The following EDC4 variants were observed in gnomAD, a reference collection of about 807,000 sequenced individuals.
The protein encoded by EDC4 is enhancer of mRNA-decapping protein 4.
A neutral mutation model predicts 155.8 loss-of-function variants in EDC4; 64 were observed. The ratio of observed to expected loss-of-function variants is 0.41; its 90% CI spans 0.34 to 0.51. The LOEUF (loss-of-function observed/expected upper bound fraction) is 0.51. EDC4 is among the 20% of genes least tolerant of loss of function. EDC4 has a pLI of 0.19. For synonymous variants in EDC4, 684 were observed against 716.8 expected (o/e 0.95, Z 0.73); for missense variants, 1,303 against 1,812.5 (o/e 0.72, Z 5.10).
chr16:67,880,951 C>A lies in EDC4; in HGVS notation c.2492C>A (p.Pro831His). 1 of 1,613,996 alleles carries A rather than the reference C, an allele frequency of 6.2e-7. No homozygotes were observed. The highest frequency in any genetic ancestry group is 8.5e-7 in the Non-Finnish European group (1 of 1,179,984). The change falls in exon 18 of 29, where the codon CCT becomes CAT. Residue 831 changes from proline to histidine, a missense_variant. This residue lies in a region of EDC4 where 527 missense variants were observed against 757.0 expected (regional missense o/e 0.70). Transcript: ENST00000358933. The surrounding 1 kb of genome is among the most constrained non-coding windows in gnomAD (Gnocchi z 5.2). ...GACAGTCAGGTTTGGCCCACAGCACCTGACATTACTCGTGAGACCTGCAGC... is the reference window on the plus strand; with the variant it reads ...GACAGTCAGGTTTGGCCCACAGCACATGACATTACTCGTGAGACCTGCAGC... ...TPDSQVWPTA[P>H]DITRETCSTL...
At chr16:67,875,363 T>A (rs2058037142) in intron 1 of EDC4, among the ~76,000 whole-genome samples, 1 of 152,156 alleles carries the variant, frequency 6.6e-6, no homozygotes, top group African/African-American at 2.4e-5. Context: ...CCATCTTCTC[T>A]CCAAACTCTG....
chr16:67,873,478 G>C, intron 1 of EDC4, 135 bp downstream of exon 1: 1 of 679,150 alleles, frequency 1.5e-6, no homozygotes, highest in Non-Finnish European at 2.2e-6. Flanking sequence ...GACGGGGATT[G>C]ACTGTGCCCC....
In EDC4 at chr16:67,881,977, G is replaced by A; in HGVS notation, c.3028G>A (p.Ala1010Thr). The change falls in exon 23 of 29, where the codon GCT becomes ACT. Residue 1010 changes from alanine (A) to threonine (T), a missense_variant. Around this residue, in one of 5 missense-constraint regions of EDC4, gnomAD observed 527 missense variants for 757.0 expected, o/e 0.70. Coordinates refer to ENST00000358933, the MANE Select transcript of EDC4 (RefSeq NM_014329.5). This position sits in a 1 kb window ranked among gnomAD's most constrained non-coding sequence, Gnocchi z 5.4. ...QEQRRLERAL[A>T]EGQQRGGQLQ... ...AGAGCGGCGGCTGGAGCGAGCACTG[G>A]CTGAGGGGCAGCAGCGGGGAGGGCA... 6.2e-7 allele frequency: 1 copy of A among 1,609,946 alleles called. No individual in the cohort carries two copies. Among genetic ancestry groups the A allele is most frequent in the South Asian group, 1.1e-5 (1 of 90,874 alleles).
At position 67,880,789 on chromosome 16, in the gene EDC4, A is replaced by G. The variant is rs2058063937; in HGVS notation, c.2330A>G (p.His777Arg). ...DSMASAASALHLLSPRPRPGP... is the reference protein window; with the variant it reads ...DSMASAASALRLLSPRPRPGP... ...ATGGCTTCAGCCGCCTCGGCACTGC[A>G]CCTGCTGTCCCCACGGCCCCGGCCA... The change falls in exon 18 of 29, where the codon CAC becomes CGC. Residue 777 changes from histidine (H) to arginine (R), a missense_variant. His to Arg is a conservative substitution (Grantham distance 29). Transcript: ENST00000358933. The surrounding 1 kb of genome is among the most constrained non-coding windows in gnomAD (Gnocchi z 5.2). 5.6e-6 allele frequency: 9 copies of G among 1,613,882 alleles called. No homozygotes were observed. The highest frequency in any genetic ancestry group is 7.6e-6 in the Non-Finnish European group (9 of 1,179,990).
At position 67,879,541 on chromosome 16, in the gene EDC4, C is replaced by T; in HGVS notation, c.1633+38C>T. The T allele has an allele frequency of 6.2e-7, 1 of 1,614,016 alleles. No homozygotes were observed. ...TGAGAGGGAGGTAGGGTAAGTTGGA[C>T]TGACCAGGGTCTGAGATCTAACTCA... On this transcript the variant is annotated intron_variant, in intron 14 of 28. Transcript: ENST00000358933. This position sits in a 1 kb window ranked among gnomAD's most constrained non-coding sequence, Gnocchi z 6.0.
At chr16:67,873,473 G>T in intron 1 of EDC4, 130 bp downstream of exon 1, 1 of 716,516 alleles carries the variant, frequency 1.4e-6, no homozygotes, top group Non-Finnish European at 2.1e-6. Context: ...GGGTGGACGG[G>T]GATTGACTGT....
chr16:67,881,149 C>A lies in EDC4; in HGVS notation c.2605C>A (p.Arg869Ser), dbSNP rs371369902. Reference sequence around the variant, plus strand: ...ACCACCATATCACCTGCTGCAGCAACGTGACAGCCAGGATGCCAGTGCTGA... The same window carrying A: ...ACCACCATATCACCTGCTGCAGCAAAGTGACAGCCAGGATGCCAGTGCTGA... ...HRPPYHLLQQ[R>S]DSQDASAEQS... The change falls in exon 19 of 29, where the codon CGT becomes AGT. Residue 869 changes from arginine (R) to serine (S), a missense_variant. Coordinates refer to ENST00000358933, the MANE Select transcript of EDC4 (RefSeq NM_014329.5). The surrounding 1 kb of genome is among the most constrained non-coding windows in gnomAD (Gnocchi z 5.4). 6.2e-7 allele frequency: 1 copy of A among 1,614,112 alleles called. No individual in the cohort carries two copies.
At position 67,883,828 on chromosome 16, in the gene EDC4, T is replaced by G; in HGVS notation, c.4013+97T>G. Reference sequence around the variant, plus strand: ...GACGCCCACTTCTGCCTGAATCCTCTCCCTAATTTTCTCCACCAGTCCTTT... The same window carrying G: ...GACGCCCACTTCTGCCTGAATCCTCGCCCTAATTTTCTCCACCAGTCCTTT... On this transcript the variant is annotated intron_variant, in intron 28 of 28. Transcript: ENST00000358933. This position sits in a 1 kb window ranked among gnomAD's most constrained non-coding sequence, Gnocchi z 5.3. 6.5e-7 allele frequency: 1 copy of G among 1,543,816 alleles called. No homozygotes were observed. The highest frequency in any genetic ancestry group is 1.4e-5 in the African/African-American group (1 of 73,602).
At position 67,881,785 on chromosome 16, in the gene EDC4, C is replaced by G; in HGVS notation, c.2944C>G (p.Leu982Val). The G allele has an allele frequency of 5.0e-6, 8 of 1,614,144 alleles. No individual in the cohort carries two copies. The highest frequency in any genetic ancestry group is 6.8e-6 in the Non-Finnish European group (8 of 1,179,988). ...GCGTCTGTGTACCCAACTCGAAGGC[C>G]TGCAGAGCACAGTCACAGGCCACGT... ...LQRLCTQLEG[L>V]QSTVTGHVER... The change falls in exon 22 of 29, where the codon CTG becomes GTG. Residue 982 changes from leucine to valine, a missense_variant. By Grantham distance (32) the Leu-to-Val change is conservative (BLOSUM62 1). This residue lies in a region of EDC4 where 527 missense variants were observed against 757.0 expected (regional missense o/e 0.70). Transcript: ENST00000358933. This position sits in a 1 kb window ranked among gnomAD's most constrained non-coding sequence, Gnocchi z 5.4.
chr16:67,877,275 C>T lies in EDC4; in HGVS notation c.510C>T (p.Thr170=), dbSNP rs139954497. 3 of 1,614,194 alleles carry T rather than the reference C, an allele frequency of 1.9e-6. No individual in the cohort carries two copies. The highest frequency in any genetic ancestry group is 2.7e-5 in the African/African-American group (2 of 75,070). ...RVISVSTSER[T]LLKGFTGSVA... The stretch of plus-strand genomic sequence containing the variant: ...TCAGCGTCAGCACTTCGGAGCGGAC[C>T]TTGCTCAAGGGCTTCACAGGCAGTG... The change falls in exon 5 of 29, where the codon ACC becomes ACT. Residue 170 remains threonine (T), a synonymous_variant. Transcript: ENST00000358933. This position sits in a 1 kb window ranked among gnomAD's most constrained non-coding sequence, Gnocchi z 4.9.
At position 67,879,860 on chromosome 16, in the gene EDC4, C is replaced by T; in HGVS notation, c.1832C>T (p.Ser611Phe). ...PSASLQQITA[S>F]PSSSSSGSSS... ...CCTGCATCTCCCCAGATCACTGCCT[C>T]TCCCAGCAGCAGCAGCAGCGGTAGC... is the stretch of plus-strand genomic sequence containing the variant. Residue 611 changes from serine to phenylalanine, a missense_variant, in exon 16 of 29, where the codon TCT (serine) becomes TTT (phenylalanine). Around this residue, in one of 5 missense-constraint regions of EDC4, gnomAD observed 391 missense variants for 445.4 expected, o/e 0.88. Transcript: ENST00000358933. This position sits in a 1 kb window ranked among gnomAD's most constrained non-coding sequence, Gnocchi z 6.0. 6.2e-7 allele frequency: 1 copy of T among 1,613,634 alleles called. No homozygotes were observed. The highest frequency in any genetic ancestry group is 8.5e-7 in the Non-Finnish European group (1 of 1,179,872).
chr16:67,877,319 C>G lies in EDC4; in HGVS notation c.554C>G (p.Ala185Gly). The G allele has an allele frequency of 6.2e-7, 1 of 1,614,136 alleles. No individual in the cohort carries two copies. Among genetic ancestry groups the G allele is most frequent in the East Asian group, 2.2e-5 (1 of 44,880 alleles). Residue 185 changes from alanine to glycine, a missense_variant, in exon 5 of 29, where the codon GCG (alanine) becomes GGG (glycine). Around this residue, in one of 5 missense-constraint regions of EDC4, gnomAD observed 235 missense variants for 367.7 expected, o/e 0.64. Coordinates refer to ENST00000358933, the MANE Select transcript of EDC4 (RefSeq NM_014329.5). The surrounding 1 kb of genome is among the most constrained non-coding windows in gnomAD (Gnocchi z 4.9). The part of the protein sequence containing the change: ...FTGSVADLAF[A>G]HLNSPQLACL... ...GGCAGTGTGGCTGATCTGGCTTTCG[C>G]GCACCTCAACTCTCCACAGCTGGCC... is the stretch of plus-strand genomic sequence containing the variant.
In EDC4 at chr16:67,878,655, G is replaced by T; in HGVS notation, c.1184+24G>T. ...CGGTAAGCAGTGGCTGGAAGGCTGG[G>T]GGACTGGGCAGGGGCGGCAGGGTTG... On this transcript the variant is annotated intron_variant, in intron 10 of 28. Transcript: ENST00000358933. The surrounding 1 kb of genome is among the most constrained non-coding windows in gnomAD (Gnocchi z 5.2). 4 of 1,614,220 alleles carry T rather than the reference G, an allele frequency of 2.5e-6. No individual in the cohort carries two copies. The highest frequency in any genetic ancestry group is 3.4e-6 in the Non-Finnish European group (4 of 1,180,048).
Position 67,884,425 on chromosome 16 carries a change from C to A in EDC4, c.*277C>A. ...CACTTGAGTGGAATTTTCCATGTTCCTTTTTACCTCTAATTTGGATCTTTT... is the reference window on the plus strand; with the variant it reads ...CACTTGAGTGGAATTTTCCATGTTCATTTTTACCTCTAATTTGGATCTTTT... On this transcript the variant is annotated 3_prime_UTR_variant, in exon 29 of 29. Coordinates refer to ENST00000358933, the MANE Select transcript of EDC4 (RefSeq NM_014329.5). This position sits in a 1 kb window ranked among gnomAD's most constrained non-coding sequence, Gnocchi z 4.1. 1 of 538,034 alleles carries A rather than the reference C, an allele frequency of 1.9e-6. No homozygotes were observed. Among genetic ancestry groups the A allele is most frequent in the Admixed American group, 3.6e-5 (1 of 27,934 alleles). 33.3% of individuals were successfully genotyped at this position (538,034 alleles called of 1,614,324 possible). A position where few individuals can be genotyped will look rare whatever the true frequency, so the allele number is the denominator to read the frequency against.
At position 67,878,890 on chromosome 16, in the gene EDC4, C is replaced by CG. The variant is rs747412400; in HGVS notation, c.1287+57dup. On this transcript the variant is annotated intron_variant, in intron 11 of 28. Coordinates refer to ENST00000358933, the MANE Select transcript of EDC4 (RefSeq NM_014329.5). This position sits in a 1 kb window ranked among gnomAD's most constrained non-coding sequence, Gnocchi z 5.2. ...CAGAGTTGGGATTATAGAGGAAGGC[C>CG]GGGGGGCAGGTGGCGCATCACAGCC... The CG allele has an allele frequency of 6.8e-6, 11 of 1,610,972 alleles. No homozygotes were observed. Among genetic ancestry groups the CG allele is most frequent in the South Asian group, 1.1e-5 (1 of 91,082 alleles).
At chr16:67,875,699 C>T (rs1407672032) in intron 1 of EDC4, 5 of 1,302,472 alleles carry the variant, frequency 3.8e-6, no homozygotes, top group Non-Finnish European at 4.9e-6. Flanking sequence ...GTATTCACTG[C>T]CCTCAAAGGG....
chr16:67,881,685 G>A lies in EDC4; in HGVS notation c.2844G>A (p.Glu948=), dbSNP rs2058068848. The A allele has an allele frequency of 6.2e-7, 1 of 1,613,586 alleles. No individual in the cohort carries two copies. The highest frequency in any genetic ancestry group is 1.7e-5 in the Admixed American group (1 of 59,984). ...ACTGACAGGTGGCAGAGCCCCCTGA[G>A]GACTGGCCAGCACTAATTTGGCAAC... ...LTEHQVAEPP[E]DWPALIWQQQ... The change falls in exon 22 of 29, where the codon GAG becomes GAA. Residue 948 remains glutamate, a synonymous_variant. Coordinates refer to ENST00000358933, the MANE Select transcript of EDC4 (RefSeq NM_014329.5). The surrounding 1 kb of genome is among the most constrained non-coding windows in gnomAD (Gnocchi z 5.4).
chr16:67,878,890 C>T lies in EDC4; in HGVS notation c.1287+51C>T, dbSNP rs766378254. The T allele has an allele frequency of 1.4e-5, 22 of 1,610,976 alleles. No homozygotes were observed. The highest frequency in any genetic ancestry group is 2.2e-5 in the East Asian group (1 of 44,898). ...CAGAGTTGGGATTATAGAGGAAGGCCGGGGGGCAGGTGGCGCATCACAGCC... is the reference window on the plus strand; with the variant it reads ...CAGAGTTGGGATTATAGAGGAAGGCTGGGGGGCAGGTGGCGCATCACAGCC... On this transcript the variant is annotated intron_variant, in intron 11 of 28. Transcript: ENST00000358933. This position sits in a 1 kb window ranked among gnomAD's most constrained non-coding sequence, Gnocchi z 5.2.
At chr16:67,873,397 G>A in intron 1 of EDC4, 54 bp downstream of exon 1, 1 of 1,345,692 alleles carries the variant, frequency 7.4e-7, no homozygotes, top group Non-Finnish European at 9.7e-7. Flanking sequence ...AGGGCGGCGC[G>A]CGTCTGAACC....
Sources: gnomAD v4.1 joint callset for allele counts (sites outside exome capture counted in the v4.1 genomes callset) on GRCh38, gnomAD v4.1.1 for gene constraint, gnomAD v4.1.1 regional missense constraint, Gnocchi (gnomAD v3.1) non-coding constraint, MANE v1.5 for transcripts, NCBI Gene and HGNC (gene_info 2026-07-23, HGNC 2026-07-21) for gene names.